The following UBE2V1 variants were observed in gnomAD, a reference collection of about 807,000 sequenced individuals.
The protein encoded by UBE2V1 is ubiquitin-conjugating enzyme E2 variant 1.
Under a neutral mutation model 19.6 loss-of-function variants are expected in UBE2V1, and 15 were observed. The observed-to-expected ratio is 0.77, with a 90% CI of 0.51 to 1.18. The LOEUF is 1.18. Among genes scored for constraint, UBE2V1 ranks in the 50% most tolerant of loss-of-function variants. UBE2V1 has a pLI of 0.00. For synonymous variants in UBE2V1, 60 were observed against 60.7 expected (o/e 0.99, Z 0.05); for missense variants, 125 against 184.8 (o/e 0.68, Z 1.88).
At chr20:50,101,646 C>A (rs1315605406) in intron 1 of UBE2V1, among the ~76,000 whole-genome samples, 49 of 149,158 alleles carry the variant, frequency 3.3e-4, no homozygotes, top group Admixed American at 3.1e-3. Flanking sequence ...TGGCTTTTTA[C>A]CTGCTTGTCA....
Position 50,082,006 on chromosome 20 carries a change from T to G in UBE2V1, c.*762A>C, listed in dbSNP as rs181019888. 5.3e-5 allele frequency: 11 copies of G among 208,410 alleles called. No homozygotes were observed. The highest frequency in any genetic ancestry group is 1.8e-4 in the Admixed American group (3 of 17,040). 12.9% of individuals were successfully genotyped at this position (208,410 alleles called of 1,614,324 possible). A position where few individuals can be genotyped will look rare whatever the true frequency, so the allele number is the denominator to read the frequency against. ...ATGGCTTCTGGCCAAAGCAAGGAAG[T>G]GTCATGGAAGGTGTTGGGTGGTGAC... On this transcript the variant is annotated 3_prime_UTR_variant, in exon 4 of 4. Coordinates refer to ENST00000371674, the MANE Select transcript of UBE2V1 (RefSeq NM_001032288.3).
At chr20:50,091,410 C>CTTTTT (rs11482128) in intron 2 of UBE2V1, among the ~76,000 whole-genome samples, 17 of 112,324 alleles carry the variant, frequency 1.5e-4, no homozygotes, top group African/African-American at 3.6e-4. Flanking sequence ...TAACTTAAGG[C>CTTTTT]TTTTTTTTTT....
At position 50,092,097 on chromosome 20, in the gene UBE2V1, G is replaced by A. The variant is rs536096593; in HGVS notation, c.171+4575C>T. 8.6e-5 allele frequency among the ~76,000 whole-genome samples: 13 copies of A among 151,748 alleles called. No individual in the cohort carries two copies. The South Asian group carries it at 2.5e-3, about 29-fold the overall frequency. ...AGCACTTTGAGAGACCAAGGTGGGCGGATCACCTGAGGTCAGGAGTCTGAG... is the reference window on the plus strand; with the variant it reads ...AGCACTTTGAGAGACCAAGGTGGGCAGATCACCTGAGGTCAGGAGTCTGAG... On this transcript the variant is annotated intron_variant, in intron 2 of 3. Transcript: ENST00000371674.
chr20:50,095,313 A>G (rs1057373940), intron 2 of UBE2V1: 1 of 152,234 alleles, frequency 6.6e-6, no homozygotes, highest in African/African-American at 2.4e-5. Flanking sequence ...ACAGCAAAGA[A>G]AATTATCTCC....
chr20:50,108,763 T>C (rs1199688073), intron 1 of UBE2V1, among the ~76,000 whole-genome samples: 2 of 152,236 alleles, frequency 1.3e-5, no homozygotes, highest in East Asian at 1.9e-4. Context: ...GTGTGAGTCA[T>C]TCAGTATAAA....
chr20:50,115,499 T>A (rs752749982), upstream of UBE2V1: 5 of 1,582,186 alleles, frequency 3.2e-6, no homozygotes, highest in Non-Finnish European at 4.3e-6. Context: ...GCAGTGAAAT[T>A]TTCTAGGTTC....
chr20:50,102,334 C>T (rs11907505), intron 1 of UBE2V1, among the ~76,000 whole-genome samples: 1 of 152,000 alleles, frequency 6.6e-6, no homozygotes, highest in South Asian at 2.1e-4. Context: ...TTTTTTAAAT[C>T]GAGTAAAAAA....
At chr20:50,089,685 C>T (rs575615999) in intron 2 of UBE2V1, among the ~76,000 whole-genome samples, 1 of 152,254 alleles carries the variant, frequency 6.6e-6, no homozygotes, top group East Asian at 1.9e-4. Flanking sequence ...GAGACTCTCC[C>T]TCTTCCCACC....
intron 1 of UBE2V1, chr20:50,108,918 C>T (rs544708570): frequency 3.0e-6 from 3 of 985,260 alleles, no homozygotes; most frequent in South Asian, 4.7e-5. Context: ...AGCCCTTTCT[C>T]TCTCCAAGAT....
intron 2 of UBE2V1, among the ~76,000 whole-genome samples, chr20:50,091,834 T>C (rs1382116592): frequency 3.3e-5 from 5 of 152,224 alleles, no homozygotes; most frequent in Non-Finnish European, 5.9e-5. Context: ...TATTTACGTT[T>C]GCATACCCAC....
chr20:50,115,358 T>C (rs2080979939), upstream of UBE2V1: 7 of 1,368,244 alleles, frequency 5.1e-6, no homozygotes, highest in Non-Finnish European at 6.7e-6. Context: ...TGAAGCAACT[T>C]GACTTTTCGT....
chr20:50,083,907 G>A (rs780246181), intron 3 of UBE2V1: 5 of 471,344 alleles, frequency 1.1e-5, no homozygotes, highest in South Asian at 5.9e-5. Flanking sequence ...ATTTCAAAGC[G>A]ACCAGCACAG....
At chr20:50,110,157 C>T (rs113262636) in intron 1 of UBE2V1, among the ~76,000 whole-genome samples, 2 of 152,228 alleles carry the variant, frequency 1.3e-5, no homozygotes, top group African/African-American at 2.4e-5. Context: ...CAGGGAAGCT[C>T]GTGGGCTGCT....
chr20:50,111,487 G>A, intron 1 of UBE2V1: 1 of 1,000,316 alleles, frequency 1.0e-6, no homozygotes, highest in Non-Finnish European at 1.2e-6. Context: ...CAGCAGTCTG[G>A]CCTGACTCAG....
At chr20:50,098,538 G>A (rs2079781338) in intron 1 of UBE2V1, among the ~76,000 whole-genome samples, 1 of 152,120 alleles carries the variant, frequency 6.6e-6, no homozygotes, top group South Asian at 2.1e-4. Context: ...CATTTCAGAG[G>A]TCTGAGCTGT....
At chr20:50,099,472 G>A (rs2079844963) in intron 1 of UBE2V1, among the ~76,000 whole-genome samples, 1 of 152,058 alleles carries the variant, frequency 6.6e-6, no homozygotes, top group Non-Finnish European at 1.5e-5. Context: ...GTTATCTCTG[G>A]GTAAAAGAAT....
intron 2 of UBE2V1, among the ~76,000 whole-genome samples, chr20:50,090,984 T>G (rs1032166976): frequency 6.6e-6 from 1 of 152,230 alleles, no homozygotes; most frequent in Non-Finnish European, 1.5e-5. Flanking sequence ...TCTCTTTTCC[T>G]GACTGACACA....
intron 3 of UBE2V1, chr20:50,083,602 A>G (rs2078742470): frequency 6.5e-6 from 1 of 153,300 alleles, no homozygotes; most frequent in Non-Finnish European, 1.5e-5. Context: ...AGCAGGCCTC[A>G]AAGGCTCAAA....
rs140171905 is a variant in UBE2V1 at position 50,108,814 on chromosome 20, T to C, written c.22+4293A>G. ...TCCTGAAAAAAGGACCTCACTCTCCTTGGACAGCACATAACCCAGAAGAGG... is the reference window on the plus strand; with the variant it reads ...TCCTGAAAAAAGGACCTCACTCTCCCTGGACAGCACATAACCCAGAAGAGG... On this transcript the variant is annotated intron_variant, in intron 1 of 3. Coordinates refer to ENST00000371674, the MANE Select transcript of UBE2V1 (RefSeq NM_001032288.3). Among the ~76,000 whole-genome samples, 89 of 152,298 alleles carry C rather than the reference T, an allele frequency of 5.8e-4. 1 individual carries two copies. In the East Asian group the frequency reaches 9.1e-3, roughly 16 times the overall value.
Sources: allele counts gnomAD v4.1 joint callset (sites outside exome capture counted in the v4.1 genomes callset), GRCh38; gene constraint gnomAD v4.1.1; transcripts MANE v1.5; gene names NCBI Gene and HGNC (gene_info 2026-07-23, HGNC 2026-07-21).